Variants in GRM1 observed in about 807,000 individuals in gnomAD.
GRM1 encodes the protein metabotropic glutamate receptor 1.
Under a neutral mutation model 90.9 loss-of-function variants are expected in GRM1, and 33 were observed. The ratio of observed to expected loss-of-function variants is 0.36; its 90% confidence interval spans 0.28 to 0.49. GRM1 has a LOEUF of 0.49. Among genes scored for constraint, GRM1 ranks in the 20% least tolerant of loss-of-function variants. The probability of loss-of-function intolerance (pLI) is 0.99; values close to 1 mark genes in which losing one functional copy is unlikely to be tolerated. For synonymous variants in GRM1, 700 were observed against 613.2 expected (o/e 1.14, Z -2.09); for missense variants, 1,190 against 1,534.3 (o/e 0.78, Z 3.75).
At chr6:146,208,629 G>A (rs980714502) in intron 2 of GRM1, among the ~76,000 whole-genome samples, 1 of 152,034 alleles carries the variant, frequency 6.6e-6, no homozygotes, top group African/African-American at 2.4e-5. Context: ...GCATTTTGAA[G>A]TTGTTAGGAA....
chr6:146,388,394 C>G (rs906205815), intron 6 of GRM1, among the ~76,000 whole-genome samples: 3 of 151,688 alleles, frequency 2.0e-5, no homozygotes, highest in African/African-American at 7.3e-5. Flanking sequence ...TTACTTGTTT[C>G]CAAGTAAAAA....
intron 2 of GRM1, among the ~76,000 whole-genome samples, chr6:146,161,058 T>C (rs1324033729): frequency 6.6e-6 from 1 of 152,176 alleles, no homozygotes; most frequent in African/African-American, 2.4e-5. Context: ...GTTGAAGTGT[T>C]ACACAGAGTA....
At chr6:146,115,747 T>C (rs966802120) in intron 1 of GRM1, among the ~76,000 whole-genome samples, 1 of 152,196 alleles carries the variant, frequency 6.6e-6, no homozygotes, top group African/African-American at 2.4e-5. Flanking sequence ...AGAAAAGCTA[T>C]TGATTTTGAT....
chr6:146,382,554 A>G (rs1207435309), intron 5 of GRM1, among the ~76,000 whole-genome samples: 1 of 152,140 alleles, frequency 6.6e-6, no homozygotes, highest in African/African-American at 2.4e-5. Context: ...TTTATGTAGG[A>G]AAGATGACAT....
Position 146,267,761 on chromosome 6 carries a change from T to TCTCG in GRM1, c.951-36850_951-36849insCTCG, listed in dbSNP as rs1562568908. ...GTCTCGTCTCGTCTCGTCTCGTCTC[T>TCTCG]TCATGTTTTTCTGCCTGCTTTATAT... is the stretch of plus-strand genomic sequence containing the variant. On this transcript the variant is annotated intron_variant, in intron 2 of 7. Coordinates refer to ENST00000282753, the MANE Select transcript of GRM1 (RefSeq NM_001278064.2). 7.7e-5 allele frequency among the ~76,000 whole-genome samples: 11 copies of TCTCG among 142,256 alleles called. No individual in the cohort carries two copies. In the East Asian group the frequency reaches 2.1e-3, roughly 27 times the overall value. The allele number at this position is 142,256 out of a possible 152,430, so 93.3% of individuals were successfully genotyped here.
intron 6 of GRM1, among the ~76,000 whole-genome samples, chr6:146,395,063 A>G (rs182994497): frequency 3.3e-4 from 50 of 152,120 alleles, no homozygotes; most frequent in Middle Eastern, 3.4e-3. Flanking sequence ...TATTCTTCAA[A>G]TGAAACTTCT....
chr6:146,208,073 G>T (rs187578763), intron 2 of GRM1, among the ~76,000 whole-genome samples: 46 of 152,116 alleles, frequency 3.0e-4, no homozygotes, highest in African/African-American at 1.0e-3. Flanking sequence ...TTTTCTTAAA[G>T]GTTGCCCTGA....
intron 6 of GRM1, among the ~76,000 whole-genome samples, chr6:146,388,791 C>T (rs1025566777): frequency 3.3e-5 from 5 of 152,110 alleles, no homozygotes; most frequent in African/African-American, 7.2e-5. Flanking sequence ...AAACACCACT[C>T]TCTGGCGCAT....
intron 1 of GRM1, among the ~76,000 whole-genome samples, chr6:146,157,126 A>G (rs1777551277): frequency 6.6e-6 from 1 of 152,216 alleles, no homozygotes; most frequent in Non-Finnish European, 1.5e-5. Context: ...AGTATAGATG[A>G]AAAAGACAAA....
intron 7 of GRM1, among the ~76,000 whole-genome samples, chr6:146,404,512 T>C (rs1197517717): frequency 6.6e-6 from 1 of 152,158 alleles, no homozygotes; most frequent in Non-Finnish European, 1.5e-5. Context: ...GTAGAAGGAT[T>C]GGAAAGATCT....
chr6:146,305,113 T>G (rs79283942), intron 3 of GRM1, among the ~76,000 whole-genome samples: 2,686 of 151,318 alleles, frequency 0.018, 36 homozygotes, highest in Non-Finnish European at 0.024. Context: ...GTCAGGTATC[T>G]AGTATTTAAG....
intron 1 of GRM1, among the ~76,000 whole-genome samples, chr6:146,119,261 A>G (rs1775886907): frequency 6.6e-6 from 1 of 152,102 alleles, no homozygotes; most frequent in South Asian, 2.1e-4. Context: ...GTCTGTTCAT[A>G]TCCTTTGCCC....
chr6:146,215,858 G>A (rs967802734), intron 2 of GRM1, among the ~76,000 whole-genome samples: 25 of 151,426 alleles, frequency 1.7e-4, no homozygotes, highest in Non-Finnish European at 2.5e-4. Context: ...CTGGGTTCAC[G>A]CCATCCTCCT....
chr6:146,144,594 T>A (rs1777019046), intron 1 of GRM1, among the ~76,000 whole-genome samples: 1 of 152,218 alleles, frequency 6.6e-6, no homozygotes, highest in African/African-American at 2.4e-5. Flanking sequence ...CAGTTTTAGA[T>A]ATTTTGTTAT....
chr6:146,128,949 C>T (rs947814874), intron 1 of GRM1, among the ~76,000 whole-genome samples: 3 of 152,114 alleles, frequency 2.0e-5, no homozygotes, highest in Non-Finnish European at 4.4e-5. Context: ...TGACCCAACT[C>T]GCTTTTGTAT....
In GRM1 at chr6:146,399,258, A is replaced by G; in HGVS notation, c.2219A>G (p.Lys740Arg). Residue 740 changes from lysine to arginine, a missense_variant, in exon 7 of 8, where the codon AAG becomes AGG. By Grantham distance (26) the Lys-to-Arg change is conservative (BLOSUM62 2). Transcript: ENST00000282753. This position sits in a 1 kb window ranked among gnomAD's most constrained non-coding sequence, Gnocchi z 5.4. ...CCCATTCTGTCCTACCCAAGTATCA[A>G]GGAAGTCTACCTTATCTGCAATACC... is the stretch of plus-strand genomic sequence containing the variant. ...PMPILSYPSI[K>R]EVYLICNTSN... The G allele has an allele frequency of 6.2e-7, 1 of 1,614,090 alleles. No homozygotes were observed. Among genetic ancestry groups the G allele is most frequent in the South Asian group, 1.1e-5 (1 of 91,074 alleles).
At chr6:146,428,573 G>T (rs763786379) in intron 7 of GRM1, among the ~76,000 whole-genome samples, 34 of 152,210 alleles carry the variant, frequency 2.2e-4, no homozygotes, top group Admixed American at 1.3e-4. Context: ...ACTATTAAGA[G>T]ATTGTTTCTG....
chr6:146,225,429 A>G (rs953560816), intron 2 of GRM1, among the ~76,000 whole-genome samples: 3 of 152,102 alleles, frequency 2.0e-5, no homozygotes, highest in Non-Finnish European at 4.4e-5. Context: ...TTCAACTGCA[A>G]CCGTATCAAA....
intron 6 of GRM1, among the ~76,000 whole-genome samples, chr6:146,388,211 G>C (rs12202312): frequency 0.24 from 36,119 of 151,822 alleles, 4,921 homozygotes; most frequent in Middle Eastern, 0.32. Flanking sequence ...CTAGCCCCTC[G>C]TCTTATCATC....
Sources: allele counts gnomAD v4.1 joint callset (sites outside exome capture counted in the v4.1 genomes callset), GRCh38; gene constraint gnomAD v4.1.1; non-coding constraint Gnocchi (gnomAD v3.1); transcripts MANE v1.5; gene names NCBI Gene and HGNC (gene_info 2026-07-23, HGNC 2026-07-21).